Variants in SHANK1 observed in about 807,000 individuals in gnomAD.
SHANK1 encodes the protein SH3 and multiple ankyrin repeat domains protein 1.
A neutral mutation model predicts 165.6 loss-of-function variants in SHANK1; 35 were observed. That is an observed-to-expected ratio of 0.21 (90% CI 0.16 to 0.28). SHANK1 has a LOEUF of 0.28. Among genes scored for constraint, SHANK1 ranks in the 10% least tolerant of loss-of-function variants. The pLI is 1.00. For missense variants in SHANK1, 2,681 were observed against 3,036.4 expected, an observed-to-expected ratio of 0.88 and a Z score of 2.75; for synonymous variants, 1,428 against 1,384.8, an observed-to-expected ratio of 1.03 and a Z score of -0.69.
intron 21 of SHANK1, among the ~76,000 whole-genome samples, chr19:50,675,612 A>C (rs1435204601): frequency 2.0e-5 from 3 of 152,246 alleles, no homozygotes; most frequent in Non-Finnish European, 4.4e-5. Flanking sequence ...CCCAGCCCAC[A>C]GGAAGGGCAA....
At chr19:50,671,797 G>A (rs990507859) in intron 22 of SHANK1, among the ~76,000 whole-genome samples, 2 of 152,112 alleles carry the variant, frequency 1.3e-5, no homozygotes, top group Non-Finnish European at 2.9e-5. Context: ...CAGAGGCCCA[G>A]AGAAGTCAAG....
Position 50,716,957 on chromosome 19 carries a change from A to C in SHANK1, c.-38T>G, listed in dbSNP as rs1183518417. ...GGGCGACGGGGGACGGCAGCATCAC[A>C]GGCGGCTGCAGGGGCCAAGGGCGGC... is the stretch of plus-strand genomic sequence containing the variant. On this transcript the variant is annotated 5_prime_UTR_variant, in exon 2 of 24. Transcript: ENST00000293441. The surrounding 1 kb of genome is among the most constrained non-coding windows in gnomAD (Gnocchi z 8.4). 2 of 1,414,358 alleles carry C rather than the reference A, an allele frequency of 1.4e-6. No homozygotes were observed. Among genetic ancestry groups the C allele is most frequent in the Non-Finnish European group, 1.8e-6 (2 of 1,087,030 alleles). 87.6% of individuals were successfully genotyped at this position (1,414,358 alleles called of 1,614,324 possible).
At position 50,667,182 on chromosome 19, in the gene SHANK1, G is replaced by C; in HGVS notation, c.4778C>G (p.Pro1593Arg). 1 of 1,566,420 alleles carries C rather than the reference G, an allele frequency of 6.4e-7. No homozygotes were observed. The highest frequency in any genetic ancestry group is 1.2e-5 in the South Asian group (1 of 86,410). Reference protein sequence around the residue: ...PLTPGPPHPLPDTPAPATPLP... With the variant: ...PLTPGPPHPLRDTPAPATPLP... The stretch of plus-strand genomic sequence containing the variant: ...CGGGGTGGCAGGGGCAGGTGTGTCG[G>C]GCAGCGGGTGGGGAGGCCCAGGCGT... Residue 1593 changes from proline to arginine, a missense_variant, in exon 23 of 24, where the codon CCC becomes CGC. This residue lies in a region of SHANK1 where 1,713 missense variants were observed against 1,630.2 expected (regional missense o/e 1.05). Transcript: ENST00000293441. The surrounding 1 kb of genome is among the most constrained non-coding windows in gnomAD (Gnocchi z 5.7).
chr19:50,666,699 G>T lies in SHANK1; in HGVS notation c.5261C>A (p.Pro1754His). Residue 1754 changes from proline to histidine, a missense_variant, in exon 23 of 24, where the codon CCC becomes CAC. This residue lies in a region of SHANK1 where 1,713 missense variants were observed against 1,630.2 expected (regional missense o/e 1.05). Transcript: ENST00000293441. ...TAGCGCCCGGCCCCGGAGCTTAGAG[G>T]GAGTCATGAGCTGAGGAGGGTATGG... Reference protein sequence around the residue: ...GPPYPPQLMTPSKLRGRALGA... With the variant: ...GPPYPPQLMTHSKLRGRALGA... The T allele has an allele frequency of 6.3e-7, 1 of 1,584,256 alleles. No homozygotes were observed. Among genetic ancestry groups the T allele is most frequent in the Non-Finnish European group, 8.6e-7 (1 of 1,167,484 alleles).
At chr19:50,672,306 G>C (rs1032595450) in intron 21 of SHANK1, among the ~76,000 whole-genome samples, 192 bp from the exon 22 acceptor site, 2 of 152,148 alleles carry the variant, frequency 1.3e-5, no homozygotes, top group Non-Finnish European at 2.9e-5. Context: ...AGCACTTTGG[G>C]AGGCTGAGGC....
chr19:50,696,575 C>T (rs1365838702), intron 15 of SHANK1, among the ~76,000 whole-genome samples: 1 of 152,134 alleles, frequency 6.6e-6, no homozygotes, highest in Admixed American at 6.5e-5. Context: ...CCTCCCTCCC[C>T]CACAGCCCTG....
rs1225671324 is a variant in SHANK1 at position 50,669,248 on chromosome 19, T to G, written c.2712A>C (p.Pro904=). 6.2e-7 allele frequency: 1 copy of G among 1,611,120 alleles called. No homozygotes were observed. Among genetic ancestry groups the G allele is most frequent in the Non-Finnish European group, 8.5e-7 (1 of 1,178,946 alleles). ...AEDDRPYLAP[P]AMKFSRSLSV... ...ACAGGCTGCGGCTGAATTTCATGGC[T>G]GGGGGTGCTAGGTAAGGTCTGTCAT... The change falls in exon 23 of 24, where the codon CCA becomes CCC. Residue 904 remains proline, a synonymous_variant. Transcript: ENST00000293441.
At chr19:50,672,983 T>C (rs906844317) in intron 21 of SHANK1, among the ~76,000 whole-genome samples, 7 of 152,056 alleles carry the variant, frequency 4.6e-5, no homozygotes, top group African/African-American at 1.7e-4. Context: ...CAGCATCCCA[T>C]CCCTCACCCA....
rs150705261 is a variant in SHANK1, at chr19:50,665,951, T to C, written c.5768+241A>G. ...GCTTGAACCCGGGAGGCAGAGGTTG[T>C]GGTGAGCCGAGATCACGCCATTGCA... On this transcript the variant is annotated intron_variant, in intron 23 of 23. Coordinates refer to ENST00000293441, the MANE Select transcript of SHANK1 (RefSeq NM_016148.5). Among the ~76,000 whole-genome samples the C allele has an allele frequency of 6.8e-3, 973 of 143,026 alleles. 19 individuals are homozygous for C. In the East Asian group the frequency reaches 0.072, roughly 11 times the overall value. 93.8% of individuals were successfully genotyped at this position (143,026 alleles called of 152,430 possible). A position where few individuals can be genotyped will look rare whatever the true frequency, so the allele number is the denominator to read the frequency against.
At position 50,699,990 on chromosome 19, in the gene SHANK1, A is replaced by C. The variant is rs78410157; in HGVS notation, c.1748-2034T>G. Among the ~76,000 whole-genome samples the C allele has an allele frequency of 2.1e-3, 75 of 35,292 alleles. 4 individuals are homozygous for C. Among genetic ancestry groups the C allele is most frequent in the African/African-American group, 8.4e-3 (60 of 7,172 alleles). 23.2% of individuals were successfully genotyped at this position (35,292 alleles called of 152,430 possible). A position where few individuals can be genotyped will look rare whatever the true frequency, so the allele number is the denominator to read the frequency against. ...CTCGGGGCATTGGAGGATTGGAGGGATCGGGGCATTGGAGGGTTGGAAGGC... is the reference window on the plus strand; with the variant it reads ...CTCGGGGCATTGGAGGATTGGAGGGCTCGGGGCATTGGAGGGTTGGAAGGC... On this transcript the variant is annotated intron_variant, in intron 12 of 23. Transcript: ENST00000293441.
chr19:50,717,986 C>T lies in SHANK1; in HGVS notation c.-43-1024G>A, dbSNP rs1235846078. On this transcript the variant is annotated intron_variant, in intron 1 of 23. Transcript: ENST00000293441. The surrounding 1 kb of genome is among the most constrained non-coding windows in gnomAD (Gnocchi z 5.5). Reference sequence around the variant, plus strand: ...ATGGGGTCCGCCTCCCTTCTGTTCTCCCCCAACTCCCACCCCAGCACCGGA... The same window carrying T: ...ATGGGGTCCGCCTCCCTTCTGTTCTTCCCCAACTCCCACCCCAGCACCGGA... 6.6e-6 allele frequency among the ~76,000 whole-genome samples: 1 copy of T among 152,100 alleles called. No homozygotes were observed. The highest frequency in any genetic ancestry group is 2.4e-5 in the African/African-American group (1 of 41,394).
At position 50,668,469 on chromosome 19, in the gene SHANK1, G is replaced by T. The variant is rs1053301040; in HGVS notation, c.3491C>A (p.Ser1164Tyr). ...GCTGCTGCGGCCGCTGCTACTGGTG[G>T]ACGGGGCCTTGATGATGATGGTGGG... ...PIPTIIIKAP[S>Y]TSSSGRSSQG... Residue 1164 changes from serine (S) to tyrosine (Y), a missense_variant, in exon 23 of 24, where the codon TCC becomes TAC. Ser to Tyr is a moderately radical substitution (Grantham distance 144, BLOSUM62 -2). Coordinates refer to ENST00000293441, the MANE Select transcript of SHANK1 (RefSeq NM_016148.5). 7.5e-7 allele frequency: 1 copy of T among 1,336,972 alleles called. No individual in the cohort carries two copies. The allele number at this position is 1,336,972 out of a possible 1,614,324, so 82.8% of individuals were successfully genotyped here.
chr19:50,710,551 A>C (rs1288149667), intron 8 of SHANK1, among the ~76,000 whole-genome samples: 1 of 152,186 alleles, frequency 6.6e-6, no homozygotes, highest in Non-Finnish European at 1.5e-5. Context: ...ACCAGAGGTC[A>C]TGACATTGAA....
In SHANK1 at chr19:50,712,203, G is replaced by A. The variant is rs186675258; in HGVS notation, c.793-89C>T. On this transcript the variant is annotated intron_variant, in intron 6 of 23. Coordinates refer to ENST00000293441, the MANE Select transcript of SHANK1 (RefSeq NM_016148.5). ...TCTGAAGGGCCAGGGGGACTGGACC[G>A]TCCTGGGTGACCTACAGTGGCCAAT... 1.4e-4 allele frequency: 191 copies of A among 1,368,014 alleles called. 1 individual carries two copies. The highest frequency in any genetic ancestry group is 3.8e-4 in the Middle Eastern group (2 of 5,296). The allele number at this position is 1,368,014 out of a possible 1,614,324, so 84.7% of individuals were successfully genotyped here.
chr19:50,714,157 C>T (rs1226066518), intron 5 of SHANK1, 25 bp downstream of exon 5: 1 of 1,604,014 alleles, frequency 6.2e-7, no homozygotes. Flanking sequence ...GCCCTGAGGT[C>T]CTCCTGATGC....
Position 50,711,485 on chromosome 19 carries a change from G to A in SHANK1, c.963C>T (p.Ala321=). Residue 321 remains alanine (A), a splice_region_variant and synonymous_variant, in exon 8 of 24, where the codon GCC becomes GCT. Transcript: ENST00000293441. ...GGTGCTGAGAGTGACCCCGCTGGCA[G>A]GCCTGGGCAGGACAGGGAGCGAGGG... ...DENGWQEIHQ[A]CQRGHSQHLE... 6.4e-7 allele frequency: 1 copy of A among 1,572,450 alleles called. No individual in the cohort carries two copies. The highest frequency in any genetic ancestry group is 8.6e-7 in the Non-Finnish European group (1 of 1,159,352).
intron 15 of SHANK1, among the ~76,000 whole-genome samples, chr19:50,693,048 C>T (rs112801691): frequency 0.03 from 4,504 of 151,718 alleles, 101 homozygotes; most frequent in Middle Eastern, 0.055. Context: ...TGGTCCCTTT[C>T]ATACTTCCTG....
In SHANK1 at chr19:50,666,869, C is replaced by T. The variant is rs1388817666; in HGVS notation, c.5091G>A (p.Leu1697=). 3 of 1,574,586 alleles carry T rather than the reference C, an allele frequency of 1.9e-6. No homozygotes were observed. The highest frequency in any genetic ancestry group is 2.6e-6 in the Non-Finnish European group (3 of 1,161,702). ...CACCACCTTCGGCAGATAGGCTGCT[C>T]AGCGTGGAGGCGCTGCTGATGGTCT... The part of the protein sequence containing the change: ...PLETISSAST[L]SSLSAEGGGS... The change falls in exon 23 of 24, where the codon CTG becomes CTA. Residue 1697 remains leucine (L), a synonymous_variant. Coordinates refer to ENST00000293441, the MANE Select transcript of SHANK1 (RefSeq NM_016148.5).
chr19:50,697,255 C>T lies in SHANK1; in HGVS notation c.1938-133G>A. 1 of 1,318,522 alleles carries T rather than the reference C, an allele frequency of 7.6e-7. No homozygotes were observed. Among genetic ancestry groups the T allele is most frequent in the Non-Finnish European group, 1.1e-6 (1 of 920,526 alleles). 81.7% of individuals were successfully genotyped at this position (1,318,522 alleles called of 1,614,324 possible). On this transcript the variant is annotated intron_variant, in intron 14 of 23. Transcript: ENST00000293441. This position sits in a 1 kb window ranked among gnomAD's most constrained non-coding sequence, Gnocchi z 4.7. ...ATGGGACACACACATTCCCACTGCA[C>T]ATGACTGCACAGAGATGGGGCACAT...
Sources: allele counts gnomAD v4.1 joint callset (sites outside exome capture counted in the v4.1 genomes callset), GRCh38; gene constraint gnomAD v4.1.1; regional missense constraint gnomAD v4.1.1; non-coding constraint Gnocchi (gnomAD v3.1); transcripts MANE v1.5; gene names NCBI Gene and HGNC (gene_info 2026-07-23, HGNC 2026-07-21).